AGAP2: variants seen among roughly 807,000 people sequenced by gnomAD.
The protein encoded by AGAP2 is ArfGAP with GTPase domain, ankyrin repeat and PH domain 2.
A neutral mutation model predicts 110.9 loss-of-function variants in AGAP2; 32 were observed. The observed-to-expected ratio is 0.29, with a 90% CI of 0.22 to 0.39. The LOEUF (loss-of-function observed/expected upper bound fraction) is 0.39, where lower values mean the gene tolerates loss of function less well. Among genes scored for constraint, AGAP2 ranks in the 10% least tolerant of loss-of-function variants. AGAP2 has a pLI of 1.00. For missense variants in AGAP2, 1,285 were observed against 1,638.5 expected, an observed-to-expected ratio of 0.78 and a Z score of 3.72; for synonymous variants, 702 against 713.0, an observed-to-expected ratio of 0.98 and a Z score of 0.25.
In AGAP2 at chr12:57,738,290, C is replaced by A. The variant is rs1166978004; in HGVS notation, c.-44G>T. 2.8e-6 allele frequency: 4 copies of A among 1,449,564 alleles called. No individual in the cohort carries two copies. Among genetic ancestry groups the A allele is most frequent in the African/African-American group, 3.0e-5 (2 of 66,814 alleles). 89.8% of individuals were successfully genotyped at this position (1,449,564 alleles called of 1,614,324 possible). A position where few individuals can be genotyped will look rare whatever the true frequency, so the allele number is the denominator to read the frequency against. On this transcript the variant is annotated 5_prime_UTR_variant, in exon 1 of 19. Coordinates refer to ENST00000547588, the MANE Select transcript of AGAP2 (RefSeq NM_001122772.3). This position sits in a 1 kb window ranked among gnomAD's most constrained non-coding sequence, Gnocchi z 6.7. Reference sequence around the variant, plus strand: ...AGCTGGGGAGGGGAGGGGACTCCCCCGGACTGCCTCAGGGGGGCCCGGCCA... The same window carrying A: ...AGCTGGGGAGGGGAGGGGACTCCCCAGGACTGCCTCAGGGGGGCCCGGCCA...
chr12:57,738,064 C>G lies in AGAP2; in HGVS notation c.183G>C (p.Pro61=), dbSNP rs1365219113. 2 of 1,523,872 alleles carry G rather than the reference C, an allele frequency of 1.3e-6. No homozygotes were observed. The highest frequency in any genetic ancestry group is 4.0e-5 in the Admixed American group (2 of 50,250). The allele number at this position is 1,523,872 out of a possible 1,614,324, so 94.4% of individuals were successfully genotyped here. ...AGAGACGTTCGTGCCGCTTCTTGCC[C>G]GGCTCCTCCGCGCCTCGGGGGCTGC... ...DPGSPRGAEE[P]GKKRHERLFH... is the part of the protein sequence containing the mutation. The change falls in exon 1 of 19, where the codon CCG becomes CCC. Residue 61 remains proline, a synonymous_variant. Coordinates refer to ENST00000547588, the MANE Select transcript of AGAP2 (RefSeq NM_001122772.3). The surrounding 1 kb of genome is among the most constrained non-coding windows in gnomAD (Gnocchi z 6.7).
intron 10 of AGAP2, among the ~76,000 whole-genome samples, 199 bp from the exon 11 acceptor site, chr12:57,731,152 C>T (rs146152207): frequency 6.6e-6 from 1 of 152,294 alleles, no homozygotes; most frequent in Non-Finnish European, 1.5e-5. Context: ...TTCCTGGGTG[C>T]TCTCCCACTA....
At chr12:57,740,370 T>G (rs1181537654), upstream of AGAP2, among the ~76,000 whole-genome samples, 1 of 152,136 alleles carries the variant, frequency 6.6e-6, no homozygotes, top group Non-Finnish European at 1.5e-5. Flanking sequence ...GACCCTTCAG[T>G]AGTGTTTTTT....
chr12:57,724,132 T>TAG (rs1362392517), downstream of AGAP2: 1 of 152,558 alleles, frequency 6.6e-6, no homozygotes, highest in Admixed American at 6.5e-5. Context: ...CACGCCGCTG[T>TAG]GCTGGGTGGT....
At chr12:57,729,837 T>C in intron 12 of AGAP2, 70 bp from the exon 13 acceptor site, 1 of 1,534,930 alleles carries the variant, frequency 6.5e-7, no homozygotes, top group East Asian at 2.3e-5. Flanking sequence ...ATAGCCTGTC[T>C]CATTCCCTGA....
chr12:57,738,151 A>AGGC lies in AGAP2; in HGVS notation c.93_95dup (p.Pro32dup). 1 of 1,523,436 alleles carries AGGC rather than the reference A, an allele frequency of 6.6e-7. No individual in the cohort carries two copies. 94.4% of individuals were successfully genotyped at this position (1,523,436 alleles called of 1,614,324 possible). The stretch of plus-strand genomic sequence containing the variant: ...CGCCGGCCGCGGCCGCAGACGGAGA[A>AGGC]GGCGGCGGCGGAGGCACCGACTCGA... On this transcript the variant is annotated inframe_insertion, in exon 1 of 19. Transcript: ENST00000547588. The surrounding 1 kb of genome is among the most constrained non-coding windows in gnomAD (Gnocchi z 6.7).
chr12:57,725,729 T>G lies in AGAP2; in HGVS notation c.*823A>C. The G allele has an allele frequency of 4.3e-5, 1 of 23,166 alleles. No homozygotes were observed. Among genetic ancestry groups the G allele is most frequent in the Non-Finnish European group, 8.2e-5 (1 of 12,238 alleles). The allele number at this position is 23,166 out of a possible 1,614,324, so 1.4% of individuals were successfully genotyped here. On this transcript the variant is annotated 3_prime_UTR_variant, in exon 19 of 19. Coordinates refer to ENST00000547588, the MANE Select transcript of AGAP2 (RefSeq NM_001122772.3). ...CCCCCTGCCCACCCTGGGCTTCCCC[T>G]ACCCCAAAACGCCCTCCCCACGCCC...
At position 57,731,488 on chromosome 12, in the gene AGAP2, A is replaced by G. The variant is rs753403547; in HGVS notation, c.2041-18T>C. On this transcript the variant is annotated intron_variant, in intron 9 of 18. Coordinates refer to ENST00000547588, the MANE Select transcript of AGAP2 (RefSeq NM_001122772.3). ...AGGAAGCTCTGGAGAAAGGGGAAAG[A>G]CACATGTGGGAAAAAAGCCAACTAA... 1 of 1,613,940 alleles carries G rather than the reference A, an allele frequency of 6.2e-7. No individual in the cohort carries two copies.
At position 57,728,332 on chromosome 12, in the gene AGAP2, T is replaced by C. The variant is rs760576580; in HGVS notation, c.2603A>G (p.Asn868Ser). The change falls in exon 14 of 19, where the codon AAT becomes AGT. Residue 868 changes from asparagine to serine, a missense_variant. By Grantham distance (46) the Asn-to-Ser change is conservative. Coordinates refer to ENST00000547588, the MANE Select transcript of AGAP2 (RefSeq NM_001122772.3). ...CCACTTGTTACCTGCTTTATAAATA[T>C]TTCTTAAACTACCAAAGGATTTTAG... ...WKLKSFGSLR[N>S]IYKAEENFEF... 6.2e-7 allele frequency: 1 copy of C among 1,613,972 alleles called. No individual in the cohort carries two copies. Among genetic ancestry groups the C allele is most frequent in the East Asian group, 2.2e-5 (1 of 44,886 alleles).
chr12:57,723,926 G>A (rs1301580964), downstream of AGAP2: 1 of 152,180 alleles, frequency 6.6e-6, no homozygotes, highest in Non-Finnish European at 1.5e-5. Flanking sequence ...TCTGAAGAAG[G>A]GAGCAAACTT....
chr12:57,736,432 G>A (rs1332753688), intron 1 of AGAP2, among the ~76,000 whole-genome samples: 2 of 152,192 alleles, frequency 1.3e-5, no homozygotes, highest in Non-Finnish European at 1.5e-5. Flanking sequence ...GGTCAGCCCC[G>A]GGTGGGTTTC....
intron 12 of AGAP2, chr12:57,730,278 G>A (rs1954860226): frequency 3.0e-6 from 2 of 669,302 alleles, no homozygotes; most frequent in African/African-American, 3.7e-5. Context: ...ACTTGCCCAT[G>A]TGGCAAGCCA....
chr12:57,732,438 T>C lies in AGAP2; in HGVS notation c.1759A>G (p.Ser587Gly), dbSNP rs1312783125. The change falls in exon 7 of 19, where the codon AGC becomes GGC. Residue 587 changes from serine (S) to glycine (G), a missense_variant. Around this residue, in one of 7 missense-constraint regions of AGAP2, gnomAD observed 844 missense variants for 941.2 expected, o/e 0.90. Coordinates refer to ENST00000547588, the MANE Select transcript of AGAP2 (RefSeq NM_001122772.3). ...AACKSLPSSP[S>G]HSAASTPVAG... The stretch of plus-strand genomic sequence containing the variant: ...ACCGGAGTGGATGCAGCTGAGTGGC[T>C]TGGGGAGCTGGGCAGGGACTTGCAG... 1.2e-6 allele frequency: 2 copies of C among 1,604,906 alleles called. No homozygotes were observed. The highest frequency in any genetic ancestry group is 1.7e-6 in the Non-Finnish European group (2 of 1,175,606).
At chr12:57,729,035 G>C (rs1205577367) in intron 13 of AGAP2, among the ~76,000 whole-genome samples, 2 of 151,936 alleles carry the variant, frequency 1.3e-5, no homozygotes, top group Non-Finnish European at 2.9e-5. Context: ...AATTAGCCGG[G>C]CATGGTGGCA....
In AGAP2 at chr12:57,737,218, C is replaced by A. The variant is rs761248971; in HGVS notation, c.1029G>T (p.Lys343Asn). Residue 343 changes from lysine to asparagine, a missense_variant, in exon 1 of 19, where the codon AAG becomes AAT. Physicochemically the swap from Lys to Asn is moderately conservative, Grantham distance 94. Transcript: ENST00000547588. The surrounding 1 kb of genome is among the most constrained non-coding windows in gnomAD (Gnocchi z 5.9). ...EGGRASTRDR[K>N]MLKFISGIFT... ...AGATGCCGCTGATAAACTTGAGCAT[C>A]TTGCGGTCACGAGTGGATGCTCGGC... The A allele has an allele frequency of 1.7e-5, 28 of 1,608,730 alleles. No individual in the cohort carries two copies. The highest frequency in any genetic ancestry group is 2.3e-5 in the Non-Finnish European group (27 of 1,177,860).
intron 13 of AGAP2, among the ~76,000 whole-genome samples, chr12:57,729,101 G>C (rs1423837178): frequency 6.6e-6 from 1 of 150,602 alleles, no homozygotes; most frequent in South Asian, 2.1e-4. Context: ...GTGTGAACCC[G>C]GGAGGCAGAG....
chr12:57,726,507 G>A lies in AGAP2; in HGVS notation c.*45C>T. On this transcript the variant is annotated 3_prime_UTR_variant, in exon 19 of 19. Coordinates refer to ENST00000547588, the MANE Select transcript of AGAP2 (RefSeq NM_001122772.3). This position sits in a 1 kb window ranked among gnomAD's most constrained non-coding sequence, Gnocchi z 5.7. Reference sequence around the variant, plus strand: ...GTCCAGCGGTCCGCCCGGTGTGGTCGTGCCCGGCCCGCGTGGGGATGGGGG... The same window carrying A: ...GTCCAGCGGTCCGCCCGGTGTGGTCATGCCCGGCCCGCGTGGGGATGGGGG... 1.7e-6 allele frequency: 2 copies of A among 1,192,250 alleles called. No individual in the cohort carries two copies. Among genetic ancestry groups the A allele is most frequent in the African/African-American group, 1.6e-5 (1 of 62,922 alleles). 73.9% of individuals were successfully genotyped at this position (1,192,250 alleles called of 1,614,324 possible).
chr12:57,731,959 G>A lies in AGAP2; in HGVS notation c.1803C>T (p.Asn601=), dbSNP rs544508946. Residue 601 remains asparagine, a synonymous_variant, in exon 8 of 19, where the codon AAC becomes AAT. Transcript: ENST00000547588. The part of the protein sequence containing the change: ...ASTPVAGQAS[N]GGHTSDYSSS... ...AAGAGTAGTCGCTAGTGTGGCCCCC[G>A]TTACTAGCCTGGGCACATATGGAAG... 4.4e-5 allele frequency: 71 copies of A among 1,613,608 alleles called. No individual in the cohort carries two copies. In the East Asian group the frequency reaches 4.7e-4, roughly 11 times the overall value.
chr12:57,741,785 C>A (rs1955079223), upstream of AGAP2: 1 of 1,118,120 alleles, frequency 8.9e-7, no homozygotes, highest in South Asian at 1.4e-5. Context: ...TAAATGTATT[C>A]TTTCCCAGAG....
Sources: allele counts gnomAD v4.1 joint callset (sites outside exome capture counted in the v4.1 genomes callset), GRCh38; gene constraint gnomAD v4.1.1; regional missense constraint gnomAD v4.1.1; non-coding constraint Gnocchi (gnomAD v3.1); transcripts MANE v1.5; gene names NCBI Gene and HGNC (gene_info 2026-07-23, HGNC 2026-07-21).